The following TPO variants were observed in gnomAD, a reference collection of about 807,000 sequenced individuals.
The protein encoded by TPO is thyroid microsomal antigen.
A neutral mutation model predicts 96.9 loss-of-function variants in TPO; 78 were observed. The observed-to-expected ratio is 0.81, with a 90% CI of 0.67 to 0.97. The LOEUF (loss-of-function observed/expected upper bound fraction) is 0.97. Ranked by LOEUF, TPO falls within the 50% of genes least tolerant of loss-of-function variation. TPO has a pLI of 0.00. For synonymous variants in TPO, 547 were observed against 538.0 expected (o/e 1.02, Z -0.23); for missense variants, 1,252 against 1,274.8 (o/e 0.98, Z 0.27).
Position 1,438,937 on chromosome 2 carries a change from C to T in TPO, c.482+2553C>T, listed in dbSNP as rs181781273. 463 of 699,030 alleles carry T rather than the reference C, an allele frequency of 6.6e-4. 1 individual carries two copies. The African/African-American group carries it at 6.6e-3, about 10-fold the overall frequency. The allele number at this position is 699,030 out of a possible 1,614,324, so 43.3% of individuals were successfully genotyped here. A position where few individuals can be genotyped will look rare whatever the true frequency, so the allele number is the denominator to read the frequency against. The stretch of plus-strand genomic sequence containing the variant: ...GCCAGTCAAAGCTTTTCTCCAATGA[C>T]GTCTACATCCACCTGCAAAGCCTGC... On this transcript the variant is annotated intron_variant, in intron 5 of 16. Transcript: ENST00000329066.
intron 15 of TPO, among the ~76,000 whole-genome samples, chr2:1,522,842 C>T (rs1161711461): frequency 2.5e-5 from 3 of 121,244 alleles, no homozygotes; most frequent in Admixed American, 1.9e-4. Context: ...AACCCCAAAT[C>T]CCCCCACTGG....
chr2:1,425,373 C>T (rs1433013250), intron 3 of TPO, among the ~76,000 whole-genome samples: 1 of 151,722 alleles, frequency 6.6e-6, no homozygotes, highest in Admixed American at 6.6e-5. Context: ...TTCTAGATGT[C>T]GGGATACAGA....
At chr2:1,419,867 T>C (rs1457865395) in intron 2 of TPO, among the ~76,000 whole-genome samples, 1 of 152,194 alleles carries the variant, frequency 6.6e-6, no homozygotes, top group East Asian at 1.9e-4. Flanking sequence ...CCTGTGACTC[T>C]GCCTTTTGTC....
rs188007627 is a variant in TPO at position 1,531,718 on chromosome 2, C to G, written c.2619-8876C>G. 1.5e-3 allele frequency among the ~76,000 whole-genome samples: 115 copies of G among 76,546 alleles called. 2 individuals are homozygous for G. The highest frequency in any genetic ancestry group is 5.4e-3 in the African/African-American group (106 of 19,674). The allele number at this position is 76,546 out of a possible 152,430, so 50.2% of individuals were successfully genotyped here. Reference sequence around the variant, plus strand: ...CTTTGCAACCTCGCCAAATCCCCCCCACTCTCTGCAACCTCCCCAAATCAC... The same window carrying G: ...CTTTGCAACCTCGCCAAATCCCCCCGACTCTCTGCAACCTCCCCAAATCAC... On this transcript the variant is annotated intron_variant, in intron 15 of 16. Coordinates refer to ENST00000329066, the MANE Select transcript of TPO (RefSeq NM_001206744.2).
chr2:1,385,749 C>T (rs1661883853), intron 1 of TPO, among the ~76,000 whole-genome samples: 1 of 151,672 alleles, frequency 6.6e-6, no homozygotes, highest in Non-Finnish European at 1.5e-5. Flanking sequence ...TTCTTGGCTT[C>T]TGCTAGCTTT....
At chr2:1,540,882 T>C in intron 16 of TPO, 159 bp downstream of exon 16, 2 of 1,548,446 alleles carry the variant, frequency 1.3e-6, no homozygotes, top group South Asian at 1.2e-5. Context: ...ATTTACAAGC[T>C]AATGACAGTG....
chr2:1,388,087 G>A (rs183164443), intron 1 of TPO, among the ~76,000 whole-genome samples: 1 of 152,168 alleles, frequency 6.6e-6, no homozygotes, highest in Non-Finnish European at 1.5e-5. Flanking sequence ...TCTCAGAGGG[G>A]TACCCGGCTG....
At chr2:1,380,060 A>T (rs188077734) in intron 1 of TPO, among the ~76,000 whole-genome samples, 1 of 152,230 alleles carries the variant, frequency 6.6e-6, no homozygotes, top group Admixed American at 6.5e-5. Context: ...TTTGTTCCTT[A>T]TTTTATTTGA....
At chr2:1,530,448 C>T (rs1195540532) in intron 15 of TPO, among the ~76,000 whole-genome samples, 2 of 149,670 alleles carry the variant, frequency 1.3e-5, no homozygotes, top group African/African-American at 2.5e-5. Context: ...TGTGCAACCT[C>T]CCGAAATCCC....
At chr2:1,504,988 C>A (rs1673255156) in intron 14 of TPO, among the ~76,000 whole-genome samples, 1 of 152,152 alleles carries the variant, frequency 6.6e-6, no homozygotes, top group African/African-American at 2.4e-5. Context: ...GGGGTCAGTG[C>A]AAAACGCTTC....
intron 16 of TPO, chr2:1,542,200 C>G (rs2280128): frequency 0.034 from 21,747 of 641,504 alleles, 1,149 homozygotes; most frequent in East Asian, 0.15. Flanking sequence ...TGAGTAGGAA[C>G]CTTTGCCACG....
At chr2:1,395,723 C>T (rs973121395) in intron 1 of TPO, among the ~76,000 whole-genome samples, 5 of 151,260 alleles carry the variant, frequency 3.3e-5, no homozygotes, top group African/African-American at 1.2e-4. Flanking sequence ...TTTCTCATGC[C>T]GTTCTAGTGA....
chr2:1,470,758 A>G (rs1056037498), intron 7 of TPO, among the ~76,000 whole-genome samples: 5 of 152,194 alleles, frequency 3.3e-5, no homozygotes, highest in African/African-American at 1.2e-4. Context: ...AATTTCTGCT[A>G]GACAACTTCA....
intron 10 of TPO, among the ~76,000 whole-genome samples, chr2:1,491,964 C>T (rs1338114012): frequency 1.3e-5 from 2 of 152,202 alleles, no homozygotes; most frequent in African/African-American, 2.4e-5. Context: ...CGCAGCTTCT[C>T]ACGGGGGCTC....
At chr2:1,393,416 A>AT in intron 1 of TPO, among the ~76,000 whole-genome samples, 1 of 152,326 alleles carries the variant, frequency 6.6e-6, no homozygotes. Flanking sequence ...GATTCAAGCC[A>AT]TATCAGTGAC....
intron 13 of TPO, among the ~76,000 whole-genome samples, chr2:1,500,518 A>G (rs1672768431): frequency 6.6e-6 from 1 of 152,204 alleles, no homozygotes. Flanking sequence ...TAAGCACTCA[A>G]GGAGATCCTC....
In TPO at chr2:1,540,651, C is replaced by G. The variant is rs757912778; in HGVS notation, c.2676C>G (p.Pro892=). Residue 892 remains proline, a synonymous_variant, in exon 16 of 17, where the codon CCC becomes CCG. Transcript: ENST00000329066. ...LPISETGGGT[P]ELRCGKHQAV... is the part of the protein sequence containing the mutation. Reference sequence around the variant, plus strand: ...TCTCGGAGACAGGCGGAGGAACTCCCGAGCTGAGATGCGGAAAGCACCAGG... The same window carrying G: ...TCTCGGAGACAGGCGGAGGAACTCCGGAGCTGAGATGCGGAAAGCACCAGG... The G allele has an allele frequency of 4.0e-5, 65 of 1,613,398 alleles. No individual in the cohort carries two copies. The highest frequency in any genetic ancestry group is 5.3e-5 in the Non-Finnish European group (63 of 1,180,036).
chr2:1,527,936 TC>T (rs1183725134), intron 15 of TPO, among the ~76,000 whole-genome samples: 7 of 63,452 alleles, frequency 1.1e-4, no homozygotes, highest in Admixed American at 4.9e-4. Flanking sequence ...CCTCCTCAAA[TC>T]CCCCCACTGC....
intron 14 of TPO, among the ~76,000 whole-genome samples, chr2:1,516,458 G>T (rs1480870085): frequency 6.6e-6 from 1 of 152,124 alleles, no homozygotes; most frequent in African/African-American, 2.4e-5. Flanking sequence ...ACCTCACAGC[G>T]TTATACCGCG....
Sources: gnomAD v4.1 joint callset for allele counts (sites outside exome capture counted in the v4.1 genomes callset) on GRCh38, gnomAD v4.1.1 for gene constraint, MANE v1.5 for transcripts, NCBI Gene and HGNC (gene_info 2026-07-23, HGNC 2026-07-21) for gene names.